The following HFM1 variants were observed in gnomAD, a reference collection of about 807,000 sequenced individuals.
The protein encoded by HFM1 is probable ATP-dependent DNA helicase HFM1.
In HFM1, 169 loss-of-function variants were observed where a neutral mutation model predicts 192.1. The ratio of observed to expected loss-of-function variants is 0.88; its 90% CI spans 0.78 to 1.00. The LOEUF (loss-of-function observed/expected upper bound fraction) is 1.00. Ranked by LOEUF, HFM1 falls within the 50% of genes least tolerant of loss-of-function variation. The probability of loss-of-function intolerance (pLI) is 0.00; values close to 1 mark genes in which losing one functional copy is unlikely to be tolerated. For synonymous variants in HFM1, 525 were observed against 537.8 expected (o/e 0.98, Z 0.33); for missense variants, 1,661 against 1,668.0 (o/e 1.00, Z 0.07).
At chr1:91,384,802 G>A (rs765936415) in intron 6 of HFM1, among the ~76,000 whole-genome samples, 2 of 150,290 alleles carry the variant, frequency 1.3e-5, no homozygotes, top group Non-Finnish European at 3.0e-5. Context: ...AGAATGCAAT[G>A]GCACAATCTC....
chr1:91,289,384 G>A (rs1323598109), intron 30 of HFM1, among the ~76,000 whole-genome samples: 10 of 151,866 alleles, frequency 6.6e-5, no homozygotes, highest in Non-Finnish European at 1.0e-4. Context: ...CAGACTGGGC[G>A]GCCGGGCAGA....
intron 20 of HFM1, among the ~76,000 whole-genome samples, chr1:91,336,605 T>G (rs1416825829): frequency 2.0e-5 from 3 of 152,216 alleles, no homozygotes; most frequent in Non-Finnish European, 2.9e-5. Context: ...GATTGCAGAT[T>G]AAAAGGAATG....
intron 20 of HFM1, among the ~76,000 whole-genome samples, chr1:91,343,062 C>T (rs1389929214): frequency 2.0e-5 from 3 of 151,552 alleles, no homozygotes; most frequent in Admixed American, 2.0e-4. Flanking sequence ...CCCGTCTCTA[C>T]TAAAAATACA....
intron 34 of HFM1, among the ~76,000 whole-genome samples, chr1:91,268,211 T>C (rs1424365523): frequency 6.6e-6 from 1 of 152,034 alleles, no homozygotes; most frequent in East Asian, 1.9e-4. Flanking sequence ...GCAATTAATT[T>C]TTCCTCTTAA....
chr1:91,345,906 T>A (rs1015486873), intron 19 of HFM1, among the ~76,000 whole-genome samples: 1 of 152,216 alleles, frequency 6.6e-6, no homozygotes, highest in Non-Finnish European at 1.5e-5. Context: ...AATACCCTTT[T>A]TGTCCAGTCA....
chr1:91,375,788 A>G (rs934531709), intron 11 of HFM1, 61 bp from the exon 12 acceptor site: 84 of 1,397,728 alleles, frequency 6.0e-5, no homozygotes, highest in Non-Finnish European at 8.4e-5. Flanking sequence ...ATTGCTAAAA[A>G]CAACCCAATT....
intron 32 of HFM1, among the ~76,000 whole-genome samples, chr1:91,275,598 A>G (rs1315896478): frequency 1.3e-5 from 2 of 152,122 alleles, no homozygotes; most frequent in Admixed American, 6.5e-5. Flanking sequence ...CTTTTCTCCC[A>G]GTTGCTAATG....
chr1:91,274,248 C>T (rs1274195584), intron 33 of HFM1, among the ~76,000 whole-genome samples: 4 of 151,782 alleles, frequency 2.6e-5, no homozygotes, highest in Non-Finnish European at 5.9e-5. Flanking sequence ...TTCAGTTTTT[C>T]CATCTATACA....
chr1:91,262,456 A>G (rs1463717080), intron 37 of HFM1, 25 bp downstream of exon 37: 1 of 1,574,320 alleles, frequency 6.4e-7, no homozygotes, highest in African/African-American at 1.4e-5. Context: ...ATTTAAAAGA[A>G]AAACAAAGAA....
At position 91,289,722 on chromosome 1, in the gene HFM1, G is replaced by A. The variant is rs1028103085; in HGVS notation, c.3392-12660C>T. Among the ~76,000 whole-genome samples the A allele has an allele frequency of 4.6e-5, 7 of 152,230 alleles. No homozygotes were observed. In the South Asian group the frequency reaches 6.2e-4, roughly 14 times the overall value. On this transcript the variant is annotated intron_variant, in intron 30 of 38. Coordinates refer to ENST00000370425, the MANE Select transcript of HFM1 (RefSeq NM_001017975.6). ...CAAAAAATACAAAAACCAGTCAGGCGTGGCGGCGCGCGCCTGCATCCCAGG... is the reference window on the plus strand; with the variant it reads ...CAAAAAATACAAAAACCAGTCAGGCATGGCGGCGCGCGCCTGCATCCCAGG...
chr1:91,302,722 A>C (rs1391193462), intron 30 of HFM1, among the ~76,000 whole-genome samples: 1 of 147,798 alleles, frequency 6.8e-6, no homozygotes, highest in Non-Finnish European at 1.5e-5. Context: ...TCATAGGTGG[A>C]ATTGAACAAT....
chr1:91,404,784 G>A lies in HFM1; in HGVS notation c.-28+14C>T, dbSNP rs1557547817. On this transcript the variant is annotated intron_variant, in intron 1 of 38. Coordinates refer to ENST00000370425, the MANE Select transcript of HFM1 (RefSeq NM_001017975.6). ...CCCCACCTTCCCCGCGGGCGTCCGG[G>A]CCCCTCTCCTCACCTCCCTGCGGAC... 2.2e-5 allele frequency: 10 copies of A among 446,168 alleles called. No individual in the cohort carries two copies. The highest frequency in any genetic ancestry group is 7.7e-5 in the East Asian group (1 of 12,920). The allele number at this position is 446,168 out of a possible 1,614,324, so 27.6% of individuals were successfully genotyped here.
chr1:91,289,951 G>C (rs1668541454), intron 30 of HFM1, among the ~76,000 whole-genome samples: 3 of 152,126 alleles, frequency 2.0e-5, no homozygotes, highest in Non-Finnish European at 4.4e-5. Flanking sequence ...GCCAAACTAA[G>C]CTTCATAAGT....
chr1:91,380,340 T>C (rs1661408726), intron 7 of HFM1, 104 bp from the exon 8 acceptor site: 1 of 673,302 alleles, frequency 1.5e-6, no homozygotes, highest in Non-Finnish European at 2.3e-6. Context: ...GAATAATAGT[T>C]CAAACATTTT....
At chr1:91,292,931 C>T (rs1098482) in intron 30 of HFM1, among the ~76,000 whole-genome samples, 151,945 of 152,198 alleles carry the variant, frequency 1, 75,847 homozygotes, top group East Asian at 1. Context: ...TTGACAAACC[C>T]GACAAAAACA....
chr1:91,289,723 T>C (rs1557787890), intron 30 of HFM1, among the ~76,000 whole-genome samples: 1 of 151,982 alleles, frequency 6.6e-6, no homozygotes. Flanking sequence ...CAGTCAGGCG[T>C]GGCGGCGCGC....
At chr1:91,399,234 T>C (rs1020793824) in intron 2 of HFM1, among the ~76,000 whole-genome samples, 1 of 152,124 alleles carries the variant, frequency 6.6e-6, no homozygotes, top group Non-Finnish European at 1.5e-5. Flanking sequence ...TCCCTTCTTC[T>C]TATAGAGGGA....
chr1:91,284,596 T>C (rs1667768150), intron 30 of HFM1, among the ~76,000 whole-genome samples: 1 of 152,150 alleles, frequency 6.6e-6, no homozygotes, highest in African/African-American at 2.4e-5. Context: ...TGAAGATAAA[T>C]GTATTAATGT....
chr1:91,309,871 T>C (rs1257595601), intron 30 of HFM1, among the ~76,000 whole-genome samples: 1 of 151,786 alleles, frequency 6.6e-6, no homozygotes, highest in East Asian at 1.9e-4. Flanking sequence ...GAGACCATAA[T>C]CACTCAATGG....
Sources: allele counts gnomAD v4.1 joint callset (sites outside exome capture counted in the v4.1 genomes callset), GRCh38; gene constraint gnomAD v4.1.1; transcripts MANE v1.5; gene names NCBI Gene and HGNC (gene_info 2026-07-23, HGNC 2026-07-21).